The following IWS1 variants were observed in gnomAD, a reference collection of about 807,000 sequenced individuals.
IWS1 encodes the protein interacts with SUPT6H, CTD assembly factor 1.
IWS1 carries 27 observed loss-of-function variants against 86.7 expected under a neutral mutation model. The observed-to-expected ratio is 0.31, with a 90% CI of 0.23 to 0.43. The LOEUF is 0.43. Ranked by LOEUF, IWS1 falls within the 20% of genes least tolerant of loss-of-function variation. IWS1 has a pLI of 1.00. For missense variants in IWS1, 827 were observed against 1,000.8 expected, an observed-to-expected ratio of 0.83 and a Z score of 2.34; for synonymous variants, 313 against 335.1, an observed-to-expected ratio of 0.93 and a Z score of 0.72.
chr2:127,496,777 T>G (rs903477528), intron 6 of IWS1, among the ~76,000 whole-genome samples: 1 of 152,102 alleles, frequency 6.6e-6, no homozygotes, highest in Admixed American at 6.6e-5. Flanking sequence ...GGCCTCACTA[T>G]ATGTCACCCA....
chr2:127,489,074 C>T lies in IWS1; in HGVS notation c.2216+105G>A. Reference sequence around the variant, plus strand: ...CTAAACGTTAAAATGAAAGTCACCTCCCACAAATGAGAGCATAACATCATT... The same window carrying T: ...CTAAACGTTAAAATGAAAGTCACCTTCCACAAATGAGAGCATAACATCATT... On this transcript the variant is annotated intron_variant, in intron 12 of 13. Coordinates refer to ENST00000295321, the MANE Select transcript of IWS1 (RefSeq NM_017969.3). The surrounding 1 kb of genome is among the most constrained non-coding windows in gnomAD (Gnocchi z 4.8). 2.6e-6 allele frequency: 2 copies of T among 773,290 alleles called. No homozygotes were observed. Among genetic ancestry groups the T allele is most frequent in the Non-Finnish European group, 4.3e-6 (2 of 460,802 alleles). The allele number at this position is 773,290 out of a possible 1,614,324, so 47.9% of individuals were successfully genotyped here.
intron 13 of IWS1, 96 bp from the exon 14 acceptor site, chr2:127,481,271 G>C: frequency 8.7e-7 from 1 of 1,150,926 alleles, no homozygotes; most frequent in Non-Finnish European, 1.2e-6. Context: ...AACCAGAAGA[G>C]CTTCTAGCTC....
chr2:127,483,319 C>T (rs1047515582), intron 13 of IWS1, among the ~76,000 whole-genome samples: 7 of 152,004 alleles, frequency 4.6e-5, no homozygotes, highest in African/African-American at 1.7e-4. Flanking sequence ...CATAAACGAA[C>T]GAATAAACAC....
rs773376402 is a variant in IWS1, at chr2:127,517,657, T to C, written c.150+6019A>G. 2.6e-5 allele frequency among the ~76,000 whole-genome samples: 4 copies of C among 152,080 alleles called. No homozygotes were observed. In the East Asian group the frequency reaches 5.8e-4, roughly 22 times the overall value. On this transcript the variant is annotated intron_variant, in intron 2 of 13. Coordinates refer to ENST00000295321, the MANE Select transcript of IWS1 (RefSeq NM_017969.3). ...AAAATGGTGTAACCACTGTGGAAAA[T>C]AGTCTGGCAGTTCCTCAAATGATCA...
intron 2 of IWS1, among the ~76,000 whole-genome samples, chr2:127,509,496 CAGG>C (rs1375438688): frequency 6.6e-6 from 1 of 151,986 alleles, no homozygotes; most frequent in Non-Finnish European, 1.5e-5. Flanking sequence ...ATCACGAGGT[CAGG>C]AGATTGAGAC....
intron 10 of IWS1, chr2:127,491,014 G>A (rs995916417): frequency 2.6e-5 from 4 of 152,166 alleles, no homozygotes; most frequent in African/African-American, 9.7e-5. Context: ...GAAGAGTTAA[G>A]GAGGACAACA....
At chr2:127,497,601 T>C (rs1423583934) in intron 6 of IWS1, among the ~76,000 whole-genome samples, 1 of 152,230 alleles carries the variant, frequency 6.6e-6, no homozygotes, top group African/African-American at 2.4e-5. Flanking sequence ...ACTGCCAAAC[T>C]CATTCAGTTT....
chr2:127,504,405 G>GT (rs923821275), intron 3 of IWS1, among the ~76,000 whole-genome samples: 4 of 149,610 alleles, frequency 2.7e-5, no homozygotes, highest in Non-Finnish European at 4.4e-5. Flanking sequence ...ACCTCTTCCA[G>GT]TTTTAAAAAA....
At chr2:127,512,050 G>C (rs930135380) in intron 2 of IWS1, among the ~76,000 whole-genome samples, 6 of 152,192 alleles carry the variant, frequency 3.9e-5, no homozygotes, top group Admixed American at 2.6e-4. Context: ...TTTGCTTACA[G>C]TCAGAGAACC....
intron 2 of IWS1, among the ~76,000 whole-genome samples, chr2:127,510,649 C>T (rs1481419606): frequency 6.6e-6 from 1 of 151,986 alleles, no homozygotes; most frequent in African/African-American, 2.4e-5. Flanking sequence ...CACGCCACCA[C>T]GTCCGGATAA....
At chr2:127,498,903 T>C (rs1374275321) in intron 5 of IWS1, 1 of 152,176 alleles carries the variant, frequency 6.6e-6, no homozygotes, top group Non-Finnish European at 1.5e-5. Context: ...CCATGTGTCA[T>C]TCTTTCTCTG....
upstream of IWS1, among the ~76,000 whole-genome samples, chr2:127,527,285 A>G (rs1465387861): frequency 6.6e-6 from 1 of 152,144 alleles, no homozygotes; most frequent in Non-Finnish European, 1.5e-5. Context: ...AGCCAAACAG[A>G]CCTTCCAAAT....
At position 127,505,609 on chromosome 2, in the gene IWS1, C is replaced by T; in HGVS notation, c.294G>A (p.Glu98=). The T allele has an allele frequency of 1.2e-6, 2 of 1,614,024 alleles. No individual in the cohort carries two copies. Among genetic ancestry groups the T allele is most frequent in the South Asian group, 1.1e-5 (1 of 91,066 alleles). ...HRQKDSDSES[E]ERAEPPASDS... ...CGCTTGCAGGAGGCTCTGCACGTTC[C>T]TCAGATTCAGAGTCGCTGTCCTTTT... The change falls in exon 3 of 14, where the codon GAG becomes GAA. Residue 98 remains glutamate (E), a synonymous_variant. Coordinates refer to ENST00000295321, the MANE Select transcript of IWS1 (RefSeq NM_017969.3). The surrounding 1 kb of genome is among the most constrained non-coding windows in gnomAD (Gnocchi z 5.0).
intron 1 of IWS1, among the ~76,000 whole-genome samples, chr2:127,524,959 G>A (rs910228099): frequency 1.3e-5 from 2 of 151,586 alleles, no homozygotes; most frequent in Non-Finnish European, 2.9e-5. Flanking sequence ...TGCAACTTCC[G>A]CTCACTGCAA....
chr2:127,516,389 G>A (rs769019868), intron 2 of IWS1, among the ~76,000 whole-genome samples: 10 of 152,004 alleles, frequency 6.6e-5, no homozygotes, highest in Non-Finnish European at 1.5e-4. Flanking sequence ...GAAAACAGCT[G>A]AATAGAATTA....
intron 5 of IWS1, chr2:127,502,493 T>A (rs1690873845): frequency 5.1e-6 from 1 of 196,138 alleles, no homozygotes; most frequent in Non-Finnish European, 1.0e-5. Flanking sequence ...GGCAGAGGGG[T>A]TAGTCCAAAT....
At chr2:127,482,534 AG>A (rs1689685100) in intron 13 of IWS1, 1 of 152,232 alleles carries the variant, frequency 6.6e-6, no homozygotes, top group Non-Finnish European at 1.5e-5. Flanking sequence ...CCGTGATCTT[AG>A]TACTTGTACT....
At chr2:127,496,251 G>A (rs1461468904) in intron 6 of IWS1, 103 bp from the exon 7 acceptor site, 3 of 1,231,772 alleles carry the variant, frequency 2.4e-6, no homozygotes, top group Non-Finnish European at 2.2e-6. Flanking sequence ...CTAACTCAAT[G>A]AAGTGCTACC....
At chr2:127,492,292 C>A (rs1344198456) in intron 9 of IWS1, among the ~76,000 whole-genome samples, 1 of 152,170 alleles carries the variant, frequency 6.6e-6, no homozygotes, top group Non-Finnish European at 1.5e-5. Context: ...CGCCTGTAAT[C>A]CCAGCACTTT....
Sources: allele counts gnomAD v4.1 joint callset (sites outside exome capture counted in the v4.1 genomes callset), GRCh38; gene constraint gnomAD v4.1.1; non-coding constraint Gnocchi (gnomAD v3.1); transcripts MANE v1.5; gene names NCBI Gene and HGNC (gene_info 2026-07-23, HGNC 2026-07-21).